Variants in PLPP3 observed in about 807,000 individuals in gnomAD.
The protein encoded by PLPP3 is phospholipid phosphatase 3, also known as PAP2 beta.
PLPP3 carries 6 observed loss-of-function variants against 29.6 expected under a neutral mutation model. The observed-to-expected ratio is 0.20, with a 90% CI of 0.11 to 0.40. The LOEUF (loss-of-function observed/expected upper bound fraction) is 0.40, where lower values mean the gene tolerates loss of function less well. Among genes scored for constraint, PLPP3 ranks in the 10% least tolerant of loss-of-function variants. PLPP3 has a pLI of 1.00. For missense variants in PLPP3, 308 were observed against 407.7 expected (o/e 0.76, Z 2.11); for synonymous variants, 152 against 159.7 (o/e 0.95, Z 0.36).
chr1:56,574,210 A>C (rs1646219640), intron 1 of PLPP3, among the ~76,000 whole-genome samples: 2 of 152,076 alleles, frequency 1.3e-5, no homozygotes, highest in East Asian at 3.9e-4. Flanking sequence ...AAAAAAAAAA[A>C]AAACCCTAAC....
intron 1 of PLPP3, among the ~76,000 whole-genome samples, chr1:56,559,122 G>C (rs72664370): frequency 0.02 from 2,972 of 152,246 alleles, 48 homozygotes; most frequent in East Asian, 0.07. Context: ...GAGTAGTGAG[G>C]GGGTAGGGTG....
intron 4 of PLPP3, among the ~76,000 whole-genome samples, chr1:56,520,014 C>T (rs1249002072): frequency 2.0e-5 from 3 of 152,142 alleles, no homozygotes; most frequent in Non-Finnish European, 2.9e-5. Flanking sequence ...CTAAGTTTGT[C>T]TTGATGGCTC....
rs1645746556 is a variant in PLPP3 at position 56,512,283 on chromosome 1, C to T, written c.634-131G>A. On this transcript the variant is annotated intron_variant, in intron 4 of 5. Coordinates refer to ENST00000371250, the MANE Select transcript of PLPP3 (RefSeq NM_003713.5). ...GACCTTGGGTGGCATGTTGTAGATA[C>T]AGCAATTTGAACATGACCTCAAGCC... The T allele has an allele frequency of 3.4e-6, 3 of 869,592 alleles. No individual in the cohort carries two copies. In the African/African-American group the frequency reaches 5.2e-5, roughly 15 times the overall value. 53.9% of individuals were successfully genotyped at this position (869,592 alleles called of 1,614,324 possible).
chr1:56,577,667 G>T (rs113346574), intron 1 of PLPP3, among the ~76,000 whole-genome samples: 1 of 152,282 alleles, frequency 6.6e-6, no homozygotes, highest in African/African-American at 2.4e-5. Context: ...AGTCTGTGCA[G>T]GAGCTGTATT....
chr1:56,523,968 C>A (rs548952623), intron 3 of PLPP3, 88 bp from the exon 4 acceptor site: 180 of 1,457,312 alleles, frequency 1.2e-4, no homozygotes, highest in Non-Finnish European at 1.7e-4. Flanking sequence ...TAGACTGTAA[C>A]CTTGAGAGCA....
chr1:56,541,047 G>C (rs180757107), intron 1 of PLPP3, among the ~76,000 whole-genome samples: 11 of 152,286 alleles, frequency 7.2e-5, no homozygotes, highest in Admixed American at 3.9e-4. Context: ...AGTGTTGTAA[G>C]ATAGTCAAAA....
intron 2 of PLPP3, among the ~76,000 whole-genome samples, chr1:56,531,764 G>A (rs1040485341): frequency 2.0e-5 from 3 of 152,076 alleles, no homozygotes; most frequent in Admixed American, 1.3e-4. Flanking sequence ...GAGTAACCTC[G>A]GGCTAGTCAC....
At chr1:56,560,049 C>T (rs1356417557) in intron 1 of PLPP3, among the ~76,000 whole-genome samples, 1 of 152,202 alleles carries the variant, frequency 6.6e-6, no homozygotes, top group African/African-American at 2.4e-5. Flanking sequence ...AGCCTTCCCC[C>T]AGAGCCCCTC....
At chr1:56,550,610 G>T (rs375567902) in intron 1 of PLPP3, among the ~76,000 whole-genome samples, 1 of 152,104 alleles carries the variant, frequency 6.6e-6, no homozygotes, top group Non-Finnish European at 1.5e-5. Flanking sequence ...GAAGCCCAAG[G>T]GGGGTTCAGG....
intron 1 of PLPP3, among the ~76,000 whole-genome samples, chr1:56,543,600 G>A (rs1034017890): frequency 1.3e-5 from 2 of 152,150 alleles, no homozygotes; most frequent in African/African-American, 4.8e-5. Flanking sequence ...ATTGCTACTG[G>A]TCTTAGAAGT....
At position 56,578,980 on chromosome 1, in the gene PLPP3, C is replaced by T. The variant is rs1646258094; in HGVS notation, c.37G>A (p.Glu13Lys). The change falls in exon 1 of 6, where the codon GAG becomes AAG. Residue 13 changes from glutamate (E) to lysine (K), a missense_variant. By Grantham distance (56) the Glu-to-Lys change is moderately conservative. Transcript: ENST00000371250. ...GCCGGGCTGCCGCCGTTCTTGCTCTCCGGGACGATCGCTTTGTCGTACTTG... is the reference window on the plus strand; with the variant it reads ...GCCGGGCTGCCGCCGTTCTTGCTCTTCGGGACGATCGCTTTGTCGTACTTG... ...NYKYDKAIVPESKNGGSPALN... is the reference protein window; with the variant it reads ...NYKYDKAIVPKSKNGGSPALN... The T allele has an allele frequency of 2.5e-6, 4 of 1,602,558 alleles. No homozygotes were observed. The highest frequency in any genetic ancestry group is 3.4e-6 in the Non-Finnish European group (4 of 1,175,522).
intron 2 of PLPP3, among the ~76,000 whole-genome samples, chr1:56,535,798 T>G (rs1425898068): frequency 6.6e-6 from 1 of 152,144 alleles, no homozygotes; most frequent in Non-Finnish European, 1.5e-5. Flanking sequence ...ACCAGAACCA[T>G]TCCCAACTAA....
chr1:56,556,276 T>C (rs1476736357), intron 1 of PLPP3, among the ~76,000 whole-genome samples: 1 of 152,106 alleles, frequency 6.6e-6, no homozygotes, highest in East Asian at 1.9e-4. Flanking sequence ...GGTGTCCCTA[T>C]AAAATGGGGG....
At chr1:56,538,235 G>T (rs374935279) in intron 1 of PLPP3, among the ~76,000 whole-genome samples, 1 of 152,140 alleles carries the variant, frequency 6.6e-6, no homozygotes, top group East Asian at 1.9e-4. Context: ...TCTTCAGTAA[G>T]CCTCCAAGAA....
chr1:56,545,884 C>A (rs1488040105), intron 1 of PLPP3, among the ~76,000 whole-genome samples: 1 of 151,924 alleles, frequency 6.6e-6, no homozygotes, highest in African/African-American at 2.4e-5. Flanking sequence ...AGATGCAGTG[C>A]CAAAAGCGAA....
At chr1:56,557,492 G>GT (rs2100292981) in intron 1 of PLPP3, among the ~76,000 whole-genome samples, 1 of 152,262 alleles carries the variant, frequency 6.6e-6, no homozygotes, top group South Asian at 2.1e-4. Flanking sequence ...TGATAGAATC[G>GT]TATCTTTTAA....
At chr1:56,552,076 T>G (rs573346844) in intron 1 of PLPP3, among the ~76,000 whole-genome samples, 1 of 152,324 alleles carries the variant, frequency 6.6e-6, no homozygotes, top group African/African-American at 2.4e-5. Flanking sequence ...CATATTCCTA[T>G]GCACACTGGT....
intron 2 of PLPP3, among the ~76,000 whole-genome samples, chr1:56,525,783 T>C (rs1645848602): frequency 1.3e-5 from 2 of 152,122 alleles, no homozygotes; most frequent in Non-Finnish European, 1.5e-5. Context: ...GAAGAGAGCA[T>C]GTGCACAGCC....
At chr1:56,575,761 G>T (rs2100315079) in intron 1 of PLPP3, among the ~76,000 whole-genome samples, 1 of 152,158 alleles carries the variant, frequency 6.6e-6, no homozygotes, top group South Asian at 2.1e-4. Context: ...TTATTCATAG[G>T]GGTTGCATTA....
Sources: gnomAD v4.1 joint callset for allele counts (sites outside exome capture counted in the v4.1 genomes callset) on GRCh38, gnomAD v4.1.1 for gene constraint, MANE v1.5 for transcripts, NCBI Gene and HGNC (gene_info 2026-07-23, HGNC 2026-07-21) for gene names.